NEGR1: variants seen among roughly 807,000 people sequenced by gnomAD.
NEGR1 encodes the protein IgLON family member 4.
Under a neutral mutation model 40.9 loss-of-function variants are expected in NEGR1, and 10 were observed. The observed-to-expected ratio is 0.24, with a 90% confidence interval of 0.15 to 0.42. The LOEUF is 0.42. Among genes scored for constraint, NEGR1 ranks in the 10% least tolerant of loss-of-function variants. The pLI, the probability that NEGR1 is intolerant of heterozygous loss-of-function variation, is 1.00. For missense variants in NEGR1, 352 were observed against 438.9 expected, an observed-to-expected ratio of 0.80 and a Z score of 1.77; for synonymous variants, 185 against 166.8, an observed-to-expected ratio of 1.11 and a Z score of -0.84.
chr1:71,492,687 A>G lies in NEGR1; in HGVS notation c.941-85117T>C, dbSNP rs1387135733. On this transcript the variant is annotated intron_variant, in intron 6 of 6. Coordinates refer to ENST00000357731, the MANE Select transcript of NEGR1 (RefSeq NM_173808.3). ...AATATTTACTGAATATGTGCAAGAC[A>G]CAAAGCTGGTTAGGTTAAATAAAAT... 2.6e-5 allele frequency among the ~76,000 whole-genome samples: 4 copies of G among 152,148 alleles called. No homozygotes were observed. The East Asian group carries it at 5.8e-4, about 22-fold the overall frequency.
At chr1:71,494,766 G>C (rs1322891234) in intron 6 of NEGR1, among the ~76,000 whole-genome samples, 1 of 152,068 alleles carries the variant, frequency 6.6e-6, no homozygotes, top group Non-Finnish European at 1.5e-5. Flanking sequence ...CCTTCCTGAA[G>C]CATCCTCTAA....
chr1:72,032,540 T>C (rs533050961), intron 1 of NEGR1, among the ~76,000 whole-genome samples: 1 of 152,332 alleles, frequency 6.6e-6, no homozygotes, highest in Non-Finnish European at 1.5e-5. Context: ...TAAAATGGGA[T>C]ATCAGGACCC....
At chr1:71,631,798 A>C (rs1342136932) in intron 4 of NEGR1, among the ~76,000 whole-genome samples, 1 of 151,830 alleles carries the variant, frequency 6.6e-6, no homozygotes, top group Non-Finnish European at 1.5e-5. Flanking sequence ...TCAGTGGACA[A>C]AAGAGGATAT....
chr1:72,279,096 A>G (rs1656160017), intron 1 of NEGR1, among the ~76,000 whole-genome samples: 1 of 152,150 alleles, frequency 6.6e-6, no homozygotes, highest in Non-Finnish European at 1.5e-5. Context: ...CTAAAAGACA[A>G]AGTTAAAATG....
rs531082638 is a variant in NEGR1, at chr1:71,962,586, C to T, written c.177-27275G>A. 3.6e-4 allele frequency among the ~76,000 whole-genome samples: 54 copies of T among 152,036 alleles called. 1 individual carries two copies. The highest frequency in any genetic ancestry group is 1.3e-3 in the African/African-American group (53 of 41,480). ...GCCCTAGTTGGCTCTATTCAATATA[C>T]TTAAGAATCCTTTAGAAATTAAGAC... On this transcript the variant is annotated intron_variant, in intron 1 of 6. Coordinates refer to ENST00000357731, the MANE Select transcript of NEGR1 (RefSeq NM_173808.3).
intron 1 of NEGR1, among the ~76,000 whole-genome samples, chr1:72,252,182 T>A (rs556308025): frequency 2.4e-5 from 3 of 127,614 alleles, no homozygotes; most frequent in Non-Finnish European, 4.4e-5. Context: ...GTAGCTGGGA[T>A]TATAGGCATG....
chr1:72,024,567 A>T (rs544473236), intron 1 of NEGR1, among the ~76,000 whole-genome samples: 1 of 152,294 alleles, frequency 6.6e-6, no homozygotes, highest in Non-Finnish European at 1.5e-5. Context: ...GTTTATTTTC[A>T]TTTTATTAGG....
chr1:72,011,176 G>T (rs1230558518), intron 1 of NEGR1, among the ~76,000 whole-genome samples: 1 of 152,082 alleles, frequency 6.6e-6, no homozygotes, highest in Admixed American at 6.6e-5. Flanking sequence ...GGGGGCTGAT[G>T]AACATTCTGA....
intron 4 of NEGR1, among the ~76,000 whole-genome samples, chr1:71,693,287 AAATT>A (rs1653355974): frequency 6.6e-6 from 1 of 151,690 alleles, no homozygotes; most frequent in African/African-American, 2.4e-5. Flanking sequence ...GGGAGAAAAA[AAATT>A]AATTGTGAGG....
intron 4 of NEGR1, among the ~76,000 whole-genome samples, chr1:71,674,475 C>T (rs186912619): frequency 6.6e-6 from 1 of 152,104 alleles, no homozygotes; most frequent in East Asian, 1.9e-4. Flanking sequence ...TATTTTGTTG[C>T]CTATGCTGTT....
intron 4 of NEGR1, among the ~76,000 whole-genome samples, chr1:71,670,725 C>A (rs1320496325): frequency 6.6e-6 from 1 of 152,054 alleles, no homozygotes; most frequent in Non-Finnish European, 1.5e-5. Context: ...TGAATCTTTA[C>A]ACATCCATTT....
At chr1:71,898,804 TG>T (rs1661044355) in intron 2 of NEGR1, among the ~76,000 whole-genome samples, 2 of 148,514 alleles carry the variant, frequency 1.3e-5, no homozygotes, top group African/African-American at 4.9e-5. Context: ...AGCAAGTATA[TG>T]TATACATATA....
At chr1:71,442,794 G>T (rs1340816783) in intron 6 of NEGR1, among the ~76,000 whole-genome samples, 3 of 152,168 alleles carry the variant, frequency 2.0e-5, no homozygotes, top group Non-Finnish European at 4.4e-5. Flanking sequence ...CCCTCTGCTG[G>T]ACCTTGTTTT....
chr1:71,645,227 A>G (rs975841401), intron 4 of NEGR1, among the ~76,000 whole-genome samples: 3 of 152,012 alleles, frequency 2.0e-5, no homozygotes, highest in African/African-American at 7.2e-5. Flanking sequence ...ACACTTGCTG[A>G]TTTTGAATAA....
intron 1 of NEGR1, among the ~76,000 whole-genome samples, chr1:72,050,414 TTA>T (rs1169362099): frequency 1.3e-5 from 2 of 151,528 alleles, no homozygotes; most frequent in African/African-American, 4.8e-5. Context: ...ATAATTATTT[TTA>T]GTGTGACTAT....
intron 6 of NEGR1, among the ~76,000 whole-genome samples, chr1:71,521,654 T>G (rs1254663585): frequency 6.6e-6 from 1 of 152,060 alleles, no homozygotes; most frequent in Non-Finnish European, 1.5e-5. Context: ...TTTTTCATTT[T>G]TCAATTGTCA....
chr1:71,709,610 T>C (rs1056022712), intron 3 of NEGR1, among the ~76,000 whole-genome samples: 2 of 151,918 alleles, frequency 1.3e-5, no homozygotes, highest in Non-Finnish European at 2.9e-5. Context: ...CCAAGAACAG[T>C]GGGGAAAAGG....
chr1:71,511,767 A>G (rs1286299921), intron 6 of NEGR1, among the ~76,000 whole-genome samples: 1 of 152,216 alleles, frequency 6.6e-6, no homozygotes, highest in East Asian at 1.9e-4. Flanking sequence ...TTTGCACTGA[A>G]AAGATTAGTT....
intron 3 of NEGR1, among the ~76,000 whole-genome samples, chr1:71,749,988 C>CTTTTTTTTTTTTTTTTTTTTT (rs768011020): frequency 2.2e-5 from 3 of 136,636 alleles, no homozygotes; most frequent in African/African-American, 2.8e-5. Flanking sequence ...TTGCTCCTTT[C>CTTTTTTTTTTTTTTTTTTTTT]TTTTTTTTTT....
Sources: gnomAD v4.1 joint callset for allele counts (sites outside exome capture counted in the v4.1 genomes callset) on GRCh38, gnomAD v4.1.1 for gene constraint, MANE v1.5 for transcripts, NCBI Gene and HGNC (gene_info 2026-07-23, HGNC 2026-07-21) for gene names.